Variants in BAMBI observed in about 807,000 individuals in gnomAD.
The protein encoded by BAMBI is BMP and activin membrane-bound inhibitor homolog.
In BAMBI, 21 loss-of-function variants were observed where a neutral mutation model predicts 24.1. The ratio of observed to expected loss-of-function variants is 0.87; its 90% CI spans 0.62 to 1.26. The LOEUF (loss-of-function observed/expected upper bound fraction) is 1.26, where lower values mean the gene tolerates loss of function less well. BAMBI is among the 50% of genes most tolerant of loss of function. The pLI is 0.00. For synonymous variants in BAMBI, 156 were observed against 123.1 expected (o/e 1.27, Z -1.77); for missense variants, 388 against 329.1 (o/e 1.18, Z -1.38).
chr10:28,681,727 C>G (rs1352613051), intron 2 of BAMBI, 182 bp downstream of exon 2: 1 of 769,356 alleles, frequency 1.3e-6, no homozygotes, highest in South Asian at 1.9e-5. Flanking sequence ...CATTAGATGT[C>G]TGTCTACATA....
chr10:28,682,910 C>T lies in BAMBI; in HGVS notation c.*509C>T, dbSNP rs1834516754. ...TTTTTTTTCTCTTTTCTTTTTTAAACAAGACCAAGATCTTGCTTATTCTTC... is the reference window on the plus strand; with the variant it reads ...TTTTTTTTCTCTTTTCTTTTTTAAATAAGACCAAGATCTTGCTTATTCTTC... On this transcript the variant is annotated 3_prime_UTR_variant, in exon 3 of 3. Transcript: ENST00000375533. 1 of 150,500 alleles carries T rather than the reference C, an allele frequency of 6.6e-6. No homozygotes were observed. Among genetic ancestry groups the T allele is most frequent in the Non-Finnish European group, 1.5e-5 (1 of 67,884 alleles). The allele number at this position is 150,500 out of a possible 1,614,324, so 9.3% of individuals were successfully genotyped here.
Position 28,682,497 on chromosome 10 carries a change from C to A in BAMBI, c.*96C>A. ...TTATCTGAAGACAAACTCATTTAAT[C>A]ATCTTTGAGAGACAAAATGACCTCT... On this transcript the variant is annotated 3_prime_UTR_variant, in exon 3 of 3. Transcript: ENST00000375533. 7 of 1,175,628 alleles carry A rather than the reference C, an allele frequency of 6.0e-6. No individual in the cohort carries two copies. Among genetic ancestry groups the A allele is most frequent in the Non-Finnish European group, 8.4e-6 (7 of 833,270 alleles). The allele number at this position is 1,175,628 out of a possible 1,614,324, so 72.8% of individuals were successfully genotyped here. A position where few individuals can be genotyped will look rare whatever the true frequency, so the allele number is the denominator to read the frequency against.
intron 2 of BAMBI, 110 bp from the exon 3 acceptor site, chr10:28,681,873 A>T (rs1352313363): frequency 1.2e-5 from 14 of 1,134,204 alleles, no homozygotes; most frequent in Admixed American, 2.3e-5. Flanking sequence ...TCGTTGATTT[A>T]ATTGTAAGCT....
At position 28,677,638 on chromosome 10, in the gene BAMBI, G is replaced by A; in HGVS notation, c.-260G>A. 2 of 239,556 alleles carry A rather than the reference G, an allele frequency of 8.3e-6. No individual in the cohort carries two copies. The highest frequency in any genetic ancestry group is 1.6e-5 in the Non-Finnish European group (2 of 125,628). 14.8% of individuals were successfully genotyped at this position (239,556 alleles called of 1,614,324 possible). On this transcript the variant is annotated 5_prime_UTR_variant, in exon 1 of 3. Transcript: ENST00000375533. ...GGCCGGGAGCCCACTCCCGACCCGG[G>A]GCTAGCGTGCGTCCCTAGAGTCGAG...
At chr10:28,680,191 G>A (rs992587726) in intron 1 of BAMBI, among the ~76,000 whole-genome samples, 1 of 152,104 alleles carries the variant, frequency 6.6e-6, no homozygotes, top group African/African-American at 2.4e-5. Context: ...TGGAAGAGGC[G>A]TGTGCATTAG....
At chr10:28,678,553 C>G (rs1834463663) in intron 1 of BAMBI, among the ~76,000 whole-genome samples, 1 of 152,100 alleles carries the variant, frequency 6.6e-6, no homozygotes, top group African/African-American at 2.4e-5. Context: ...GTGTGAGTCT[C>G]TGTATCTCTG....
Position 28,682,092 on chromosome 10 carries a change from C to A in BAMBI, c.474C>A (p.Pro158=). ...TCCGGGCAGCGGTCATTGCCGTGCC[C>A]ATTGCTGGAGGGCTGATTTTAGTGT... ...LWFRAAVIAV[P]IAGGLILVLL... is the part of the protein sequence containing the mutation. The change falls in exon 3 of 3, where the codon CCC becomes CCA. Residue 158 remains proline, a synonymous_variant. Coordinates refer to ENST00000375533, the MANE Select transcript of BAMBI (RefSeq NM_012342.3). The A allele has an allele frequency of 6.2e-7, 1 of 1,614,132 alleles. No individual in the cohort carries two copies. Among genetic ancestry groups the A allele is most frequent in the Non-Finnish European group, 8.5e-7 (1 of 1,180,034 alleles).
chr10:28,678,196 C>T lies in BAMBI; in HGVS notation c.76+223C>T, dbSNP rs138323766. 1.6e-3 allele frequency among the ~76,000 whole-genome samples: 242 copies of T among 152,330 alleles called. 1 individual carries two copies. Among genetic ancestry groups the T allele is most frequent in the Admixed American group, 2.5e-3 (39 of 15,308 alleles). ...GATCAGAGGGTCCTCCTGGCTCTGCCTGCGGGGAGCGGCGCGTTTGCAGCC... is the reference window on the plus strand; with the variant it reads ...GATCAGAGGGTCCTCCTGGCTCTGCTTGCGGGGAGCGGCGCGTTTGCAGCC... On this transcript the variant is annotated intron_variant, in intron 1 of 2. Coordinates refer to ENST00000375533, the MANE Select transcript of BAMBI (RefSeq NM_012342.3).
Position 28,677,821 on chromosome 10 carries a change from C to G in BAMBI, c.-77C>G. 8.1e-7 allele frequency: 1 copy of G among 1,232,722 alleles called. No individual in the cohort carries two copies. The highest frequency in any genetic ancestry group is 1.1e-6 in the Non-Finnish European group (1 of 938,742). 76.4% of individuals were successfully genotyped at this position (1,232,722 alleles called of 1,614,324 possible). ...CTCCGGGCAGGGCCCATGCCCTGCGCGCTCCGGGGGTCGTAGGCTGCCGCC... is the reference window on the plus strand; with the variant it reads ...CTCCGGGCAGGGCCCATGCCCTGCGGGCTCCGGGGGTCGTAGGCTGCCGCC... On this transcript the variant is annotated 5_prime_UTR_variant, in exon 1 of 3. Coordinates refer to ENST00000375533, the MANE Select transcript of BAMBI (RefSeq NM_012342.3).
At chr10:28,678,103 C>T (rs1588642644) in intron 1 of BAMBI, 130 bp downstream of exon 1, 3 of 804,538 alleles carry the variant, frequency 3.7e-6, no homozygotes, top group Middle Eastern at 3.9e-4. Context: ...CGACAAGTTG[C>T]TGTGTTCTTA....
rs1203021660 is a variant in BAMBI, at chr10:28,681,271, C to G, written c.90C>G (p.Cys30Trp). The G allele has an allele frequency of 1.9e-6, 3 of 1,612,266 alleles. No individual in the cohort carries two copies. The highest frequency in any genetic ancestry group is 2.5e-6 in the Non-Finnish European group (3 of 1,179,742). ...CATTGTTTTCAGGTGAAATTCGATG[C>G]TACTGTGATGCTGCCCACTGTGTAG... Reference protein sequence around the residue: ...AVLLTKGEIRCYCDAAHCVAT... With the variant: ...AVLLTKGEIRWYCDAAHCVAT... Residue 30 changes from cysteine to tryptophan, a missense_variant, in exon 2 of 3, where the codon TGC becomes TGG. By Grantham distance (215) the Cys-to-Trp change is radical. Coordinates refer to ENST00000375533, the MANE Select transcript of BAMBI (RefSeq NM_012342.3).
chr10:28,681,111 G>T, intron 1 of BAMBI, 147 bp from the exon 2 acceptor site: 2 of 752,480 alleles, frequency 2.7e-6, no homozygotes, highest in Non-Finnish European at 4.2e-6. Flanking sequence ...GCTGCAGGAA[G>T]GGCTTCTCCA....
At chr10:28,680,753 C>T (rs1219446128) in intron 1 of BAMBI, among the ~76,000 whole-genome samples, 1 of 152,150 alleles carries the variant, frequency 6.6e-6, no homozygotes, top group Non-Finnish European at 1.5e-5. Flanking sequence ...ACCTCCTGAC[C>T]TGGGCAGTTT....
In BAMBI at chr10:28,682,196, G is replaced by A. The variant is rs575182425; in HGVS notation, c.578G>A (p.Arg193His). The change falls in exon 3 of 3, where the codon CGT (arginine) becomes CAT (histidine). Residue 193 changes from arginine (R) to histidine (H), a missense_variant. Arg to His is a conservative substitution (Grantham distance 29). Coordinates refer to ENST00000375533, the MANE Select transcript of BAMBI (RefSeq NM_012342.3). ...GATCAGCGGCAACAGATGCTCTCCC[G>A]TTTGCACTACAGCTTTCACGGACAC... is the stretch of plus-strand genomic sequence containing the variant. ...LQDQRQQMLS[R>H]LHYSFHGHHS... 14 of 1,614,168 alleles carry A rather than the reference G, an allele frequency of 8.7e-6. No homozygotes were observed. The highest frequency in any genetic ancestry group is 3.3e-5 in the Admixed American group (2 of 60,016).
chr10:28,680,953 T>C (rs1324000680), intron 1 of BAMBI, among the ~76,000 whole-genome samples: 1 of 152,242 alleles, frequency 6.6e-6, no homozygotes, highest in Non-Finnish European at 1.5e-5. Flanking sequence ...TAATGTGTTA[T>C]ACCTTATGGT....
At position 28,681,257 on chromosome 10, in the gene BAMBI, G is replaced by C; in HGVS notation, c.77-1G>C. 1 of 1,608,750 alleles carries C rather than the reference G, an allele frequency of 6.2e-7. No individual in the cohort carries two copies. Among genetic ancestry groups the C allele is most frequent in the Non-Finnish European group, 8.5e-7 (1 of 1,178,242 alleles). The stretch of plus-strand genomic sequence containing the variant: ...TTGAGGTGGTTTCTCATTGTTTTCA[G>C]GTGAAATTCGATGCTACTGTGATGC... On this transcript the variant is annotated splice_acceptor_variant, in intron 1 of 2. Transcript: ENST00000375533. LOFTEE classifies it high-confidence loss of function.
At chr10:28,678,032 C>T (rs1588642612) in intron 1 of BAMBI, 59 bp downstream of exon 1, 3 of 1,440,074 alleles carry the variant, frequency 2.1e-6, no homozygotes, top group East Asian at 5.3e-5. Context: ...GCTTTGGAGC[C>T]GGCTGCAGAG....
intron 1 of BAMBI, 46 bp downstream of exon 1, chr10:28,678,019 G>A (rs1168848676): frequency 2.0e-6 from 3 of 1,484,230 alleles, no homozygotes; most frequent in East Asian, 2.6e-5. Flanking sequence ...TCCTCGCCGC[G>A]GGGCTTTGGA....
At position 28,682,240 on chromosome 10, in the gene BAMBI, G is replaced by A. The variant is rs72809669; in HGVS notation, c.622G>A (p.Val208Ile). The change falls in exon 3 of 3, where the codon GTT becomes ATT. Residue 208 changes from valine (V) to isoleucine (I), a missense_variant. Physicochemically the swap from Val to Ile is conservative, Grantham distance 29. Coordinates refer to ENST00000375533, the MANE Select transcript of BAMBI (RefSeq NM_012342.3). ...CGGACACCATTCCAAAAAGGGGCAG[G>A]TTGCAAAGTTAGACTTGGAATGCAT... Reference protein sequence around the residue: ...FHGHHSKKGQVAKLDLECMVP... With the variant: ...FHGHHSKKGQIAKLDLECMVP... The A allele has an allele frequency of 7.8e-3, 12,597 of 1,614,160 alleles. 108 individuals are homozygous for A. The highest frequency in any genetic ancestry group is 7.2e-3 in the Non-Finnish European group (8,539 of 1,180,036).
Sources: gnomAD v4.1 joint callset for allele counts (sites outside exome capture counted in the v4.1 genomes callset) on GRCh38, gnomAD v4.1.1 for gene constraint, MANE v1.5 for transcripts, NCBI Gene and HGNC (gene_info 2026-07-23, HGNC 2026-07-21) for gene names.